GRHL1: variants seen among roughly 807,000 people sequenced by gnomAD.
The protein encoded by GRHL1 is grainyhead-like protein 1 homolog.
GRHL1 carries 38 observed loss-of-function variants against 75.7 expected under a neutral mutation model. The observed-to-expected ratio is 0.50, with a 90% CI of 0.39 to 0.66. The LOEUF (loss-of-function observed/expected upper bound fraction) is 0.66. GRHL1 is among the 30% of genes least tolerant of loss of function. The pLI is 0.00. For missense variants in GRHL1, 589 were observed against 767.5 expected, an observed-to-expected ratio of 0.77 and a Z score of 2.75; for synonymous variants, 266 against 279.4, an observed-to-expected ratio of 0.95 and a Z score of 0.48.
Position 9,964,354 on chromosome 2 carries a change from G to C in GRHL1, c.1015+8G>C, listed in dbSNP as rs1482239974. ...AAAGATGCATTGACATAGGTAAGCAGCTCAAGAGCCCGCTTTTATTCCCAG... is the reference window on the plus strand; with the variant it reads ...AAAGATGCATTGACATAGGTAAGCACCTCAAGAGCCCGCTTTTATTCCCAG... On this transcript the variant is annotated splice_region_variant and intron_variant, in intron 7 of 15. Transcript: ENST00000324907. 6.9e-7 allele frequency: 1 copy of C among 1,449,586 alleles called. No homozygotes were observed. The highest frequency in any genetic ancestry group is 9.6e-7 in the Non-Finnish European group (1 of 1,040,130). The allele number at this position is 1,449,586 out of a possible 1,614,324, so 89.8% of individuals were successfully genotyped here.
At chr2:9,998,054 G>A (rs990424917) in intron 14 of GRHL1, among the ~76,000 whole-genome samples, 14 of 152,218 alleles carry the variant, frequency 9.2e-5, no homozygotes, top group African/African-American at 2.2e-4. Context: ...TCTGAAACAC[G>A]TGTTTGGAAG....
rs1276324438 is a variant in GRHL1, at chr2:10,001,815, T to TA, written c.*1109dup. The TA allele has an allele frequency of 6.6e-6, 1 of 152,372 alleles. No individual in the cohort carries two copies. Among genetic ancestry groups the TA allele is most frequent in the East Asian group, 1.9e-4 (1 of 5,194 alleles). The allele number at this position is 152,372 out of a possible 1,614,324, so 9.4% of individuals were successfully genotyped here. On this transcript the variant is annotated 3_prime_UTR_variant, in exon 16 of 16. Transcript: ENST00000324907. ...ATTGCAAGTATTGCGTACCAAGTGA[T>TA]ACAACTCGAAATGCAGTTCTCATCT...
chr2:9,969,048 C>T (rs2125217883), intron 8 of GRHL1, among the ~76,000 whole-genome samples: 1 of 152,216 alleles, frequency 6.6e-6, no homozygotes, highest in African/African-American at 2.4e-5. Flanking sequence ...TCAGTATTTC[C>T]AAAACAAGCG....
At chr2:9,974,477 C>A (rs1302852131) in intron 8 of GRHL1, among the ~76,000 whole-genome samples, 1 of 152,156 alleles carries the variant, frequency 6.6e-6, no homozygotes, top group Non-Finnish European at 1.5e-5. Context: ...AGTTGGAACT[C>A]ACTTGAAGCT....
intron 8 of GRHL1, among the ~76,000 whole-genome samples, chr2:9,983,931 C>T (rs916203117): frequency 5.3e-5 from 8 of 151,302 alleles, no homozygotes; most frequent in Non-Finnish European, 1.0e-4. Context: ...CCGAGGTGGG[C>T]GGATCATGAG....
chr2:9,963,396 C>T (rs1667355253), intron 5 of GRHL1, among the ~76,000 whole-genome samples: 2 of 152,162 alleles, frequency 1.3e-5, no homozygotes, highest in African/African-American at 2.4e-5. Context: ...TGGGAAGGTT[C>T]TTAAACAACT....
At chr2:9,994,025 G>A (rs75905750) in intron 12 of GRHL1, among the ~76,000 whole-genome samples, 1,614 of 152,224 alleles carry the variant, frequency 0.011, 25 homozygotes, top group Middle Eastern at 0.061. Context: ...TTCCTGTGCC[G>A]GGCAGCCCCC....
intron 8 of GRHL1, among the ~76,000 whole-genome samples, chr2:9,979,279 A>G (rs1362975591): frequency 6.8e-6 from 1 of 147,188 alleles, no homozygotes; most frequent in Admixed American, 6.8e-5. Flanking sequence ...TCTGTTGCCC[A>G]GGCTGGAGTG....
intron 2 of GRHL1, among the ~76,000 whole-genome samples, chr2:9,958,556 T>G (rs1332817569): frequency 6.6e-6 from 1 of 152,116 alleles, no homozygotes; most frequent in African/African-American, 2.4e-5. Flanking sequence ...CTGAGTTTAT[T>G]TGGCAACTCA....
intron 1 of GRHL1, chr2:9,953,164 G>C (rs1204948573): frequency 4.6e-6 from 2 of 435,186 alleles, no homozygotes; most frequent in African/African-American, 2.0e-5. Context: ...CCTTCAGGGT[G>C]ATTCCAAACA....
intron 8 of GRHL1, among the ~76,000 whole-genome samples, chr2:9,970,387 C>T (rs1280447582): frequency 5.3e-5 from 8 of 152,208 alleles, no homozygotes; most frequent in Non-Finnish European, 1.2e-4. Context: ...CTGTGTTGTG[C>T]ATTCCACGCT....
In GRHL1 at chr2:10,000,746, G is replaced by A; in HGVS notation, c.*39G>A. On this transcript the variant is annotated 3_prime_UTR_variant, in exon 16 of 16. Transcript: ENST00000324907. ...ACAGCTCCCCAGGAGTTCAGTGCAG[G>A]TGTTTCTAGATCTTACGGTTTGGCA... is the stretch of plus-strand genomic sequence containing the variant. 1.7e-6 allele frequency: 2 copies of A among 1,151,834 alleles called. No individual in the cohort carries two copies. The highest frequency in any genetic ancestry group is 2.6e-6 in the Non-Finnish European group (2 of 762,734). The allele number at this position is 1,151,834 out of a possible 1,614,324, so 71.4% of individuals were successfully genotyped here. A position where few individuals can be genotyped will look rare whatever the true frequency, so the allele number is the denominator to read the frequency against.
intron 8 of GRHL1, among the ~76,000 whole-genome samples, chr2:9,984,930 T>C (rs892181846): frequency 2.0e-5 from 3 of 150,086 alleles, no homozygotes; most frequent in African/African-American, 7.4e-5. Context: ...TACCTGGGCG[T>C]GGTGGCGCAC....
Position 9,996,374 on chromosome 2 carries a change from C to T in GRHL1, c.1650C>T (p.Thr550=), listed in dbSNP as rs1159890970. Reference sequence around the variant, plus strand: ...TCTTTGATGCCCTGATGCTCAAAACCCCATCTTTGAAGGGCTTGATGGAAG... The same window carrying T: ...TCTTTGATGCCCTGATGCTCAAAACTCCATCTTTGAAGGGCTTGATGGAAG... ...EEVFDALMLK[T]PSLKGLMEAI... The change falls in exon 14 of 16, where the codon ACC becomes ACT. Residue 550 remains threonine, a synonymous_variant. Transcript: ENST00000324907. 2.5e-6 allele frequency: 4 copies of T among 1,611,966 alleles called. No homozygotes were observed. Among genetic ancestry groups the T allele is most frequent in the Non-Finnish European group, 3.4e-6 (4 of 1,178,164 alleles).
At chr2:9,999,959 T>G (rs1669201547) in intron 15 of GRHL1, among the ~76,000 whole-genome samples, 1 of 152,248 alleles carries the variant, frequency 6.6e-6, no homozygotes, top group South Asian at 2.1e-4. Flanking sequence ...TGACTTCACA[T>G]CATGTAAGTT....
chr2:9,960,313 C>T (rs1667219157), intron 3 of GRHL1: 1 of 152,206 alleles, frequency 6.6e-6, no homozygotes. Flanking sequence ...GTGGCGTGCG[C>T]CTGTAATCCC....
At position 9,994,874 on chromosome 2, in the gene GRHL1, A is replaced by C. The variant is rs1286106808; in HGVS notation, c.1500-1005A>C. On this transcript the variant is annotated intron_variant, in intron 12 of 15. Coordinates refer to ENST00000324907, the MANE Select transcript of GRHL1 (RefSeq NM_198182.3). Reference sequence around the variant, plus strand: ...CTCAGACTCTCCTTGGTCTGTTCTCACCTTTTGGCTTCCATGATACCACCA... The same window carrying C: ...CTCAGACTCTCCTTGGTCTGTTCTCCCCTTTTGGCTTCCATGATACCACCA... 2.0e-5 allele frequency among the ~76,000 whole-genome samples: 3 copies of C among 151,632 alleles called. No individual in the cohort carries two copies. In the East Asian group the frequency reaches 5.8e-4, roughly 29 times the overall value.
intron 8 of GRHL1, among the ~76,000 whole-genome samples, chr2:9,967,538 C>T (rs1667542227): frequency 6.6e-6 from 1 of 152,178 alleles, no homozygotes; most frequent in Non-Finnish European, 1.5e-5. Context: ...GTTTCATTTC[C>T]CCTTTCAGAC....
At chr2:9,958,755 G>A (rs1667146174) in intron 2 of GRHL1, 31 bp from the exon 3 acceptor site, 1 of 1,569,308 alleles carries the variant, frequency 6.4e-7, no homozygotes, top group Admixed American at 1.7e-5. Context: ...CTGGATAAGA[G>A]CTAAATTCTT....
Sources: gnomAD v4.1 joint callset for allele counts (sites outside exome capture counted in the v4.1 genomes callset) on GRCh38, gnomAD v4.1.1 for gene constraint, MANE v1.5 for transcripts, NCBI Gene and HGNC (gene_info 2026-07-23, HGNC 2026-07-21) for gene names.